Variants in RIT2 observed in about 807,000 individuals in gnomAD.
RIT2 encodes GTP-binding protein Rit2.
RIT2 carries 24 observed loss-of-function variants against 23.7 expected under a neutral mutation model. The observed-to-expected ratio is 1.01, with a 90% CI of 0.73 to 1.43. RIT2 has a LOEUF of 1.43. Among genes scored for constraint, RIT2 ranks in the 40% most tolerant of loss-of-function variants. The pLI is 0.00. For synonymous variants in RIT2, 107 were observed against 91.1 expected (o/e 1.17, Z -0.99); for missense variants, 236 against 266.9 (o/e 0.88, Z 0.81).
At chr18:42,759,290 A>G (rs1396357354) in intron 4 of RIT2, among the ~76,000 whole-genome samples, 1 of 152,154 alleles carries the variant, frequency 6.6e-6, no homozygotes, top group African/African-American at 2.4e-5. Context: ...CATTTCTGTC[A>G]ATGTTTCTTA....
chr18:42,972,220 C>T (rs75369620), intron 3 of RIT2, among the ~76,000 whole-genome samples: 4,901 of 151,970 alleles, frequency 0.032, 258 homozygotes, highest in African/African-American at 0.11. Flanking sequence ...TAAGATAGCC[C>T]TTTCAAATAA....
chr18:43,025,233 A>G (rs9748837), intron 2 of RIT2, among the ~76,000 whole-genome samples: 1 of 145,684 alleles, frequency 6.9e-6, no homozygotes, highest in African/African-American at 2.5e-5. Context: ...AAACAAAAAA[A>G]AAACAAAAAA....
At chr18:42,746,583 G>A (rs1912921881) in intron 4 of RIT2, among the ~76,000 whole-genome samples, 1 of 152,018 alleles carries the variant, frequency 6.6e-6, no homozygotes, top group South Asian at 2.1e-4. Context: ...TACAGTCTCA[G>A]TTTAAATTTT....
At chr18:42,799,458 A>G (rs1905464523) in intron 4 of RIT2, among the ~76,000 whole-genome samples, 1 of 152,238 alleles carries the variant, frequency 6.6e-6, no homozygotes, top group Non-Finnish European at 1.5e-5. Context: ...CTCTTCCCAT[A>G]GCCCAAGCTA....
chr18:42,930,404 A>C (rs893092234), intron 3 of RIT2, among the ~76,000 whole-genome samples: 2 of 152,154 alleles, frequency 1.3e-5, no homozygotes, highest in African/African-American at 4.8e-5. Context: ...GAATTATGAA[A>C]AAAGGACATG....
chr18:42,964,631 A>AT (rs1910170143), intron 3 of RIT2, among the ~76,000 whole-genome samples: 2 of 152,198 alleles, frequency 1.3e-5, no homozygotes, highest in South Asian at 4.1e-4. Flanking sequence ...TCCCACATAC[A>AT]TAAAAATTGT....
intron 4 of RIT2, among the ~76,000 whole-genome samples, chr18:42,782,251 G>A (rs553479072): frequency 6.6e-6 from 1 of 152,092 alleles, no homozygotes; most frequent in East Asian, 1.9e-4. Flanking sequence ...AATAGTTAGA[G>A]ATTAGTGCTC....
At position 42,922,435 on chromosome 18, in the gene RIT2, C is replaced by T. The variant is rs12970940; in HGVS notation, c.426+1137G>A. ...AAAGCCAGTTCAAATTTAAGGTCAA[C>T]GAAAAGAAAGATGAAGCATCTCAAT... On this transcript the variant is annotated intron_variant, in intron 4 of 4. Transcript: ENST00000326695. Among the ~76,000 whole-genome samples, 443 of 152,046 alleles carry T rather than the reference C, an allele frequency of 2.9e-3. 3 individuals are homozygous for T. Among genetic ancestry groups the T allele is most frequent in the Non-Finnish European group, 4.1e-3 (278 of 67,972 alleles).
At chr18:42,906,607 T>C (rs1029473180) in intron 4 of RIT2, among the ~76,000 whole-genome samples, 1 of 152,198 alleles carries the variant, frequency 6.6e-6, no homozygotes, top group African/African-American at 2.4e-5. Flanking sequence ...AGCCACCTTC[T>C]ATCCAGCTTC....
intron 2 of RIT2, among the ~76,000 whole-genome samples, chr18:42,977,008 C>G (rs1910491350): frequency 6.6e-6 from 1 of 151,968 alleles, no homozygotes; most frequent in Non-Finnish European, 1.5e-5. Context: ...GCATTTGAAG[C>G]TGGGCAGATG....
At chr18:43,075,019 C>T (rs1177983650) in intron 1 of RIT2, among the ~76,000 whole-genome samples, 1 of 151,972 alleles carries the variant, frequency 6.6e-6, no homozygotes, top group East Asian at 1.9e-4. Flanking sequence ...TGTAACAAAC[C>T]TGCACATCCT....
At chr18:42,746,368 A>G (rs1912916749) in intron 4 of RIT2, among the ~76,000 whole-genome samples, 2 of 152,132 alleles carry the variant, frequency 1.3e-5, no homozygotes, top group Non-Finnish European at 2.9e-5. Context: ...ACCAGATTTT[A>G]CAAAAATCAC....
intron 2 of RIT2, among the ~76,000 whole-genome samples, chr18:43,017,944 T>A (rs1911510669): frequency 2.0e-5 from 3 of 152,062 alleles, no homozygotes; most frequent in Non-Finnish European, 4.4e-5. Flanking sequence ...AAGAAAATTG[T>A]CTTTGCAACC....
intron 1 of RIT2, among the ~76,000 whole-genome samples, chr18:43,077,120 A>AAAAAAAAAG (rs1913045000): frequency 4.6e-5 from 7 of 150,822 alleles, no homozygotes; most frequent in African/African-American, 1.7e-4. Flanking sequence ...AAAAAAAAAA[A>AAAAAAAAAG]AAAGGCTCAA....
At chr18:43,020,599 C>T (rs1445882135) in intron 2 of RIT2, among the ~76,000 whole-genome samples, 1 of 152,014 alleles carries the variant, frequency 6.6e-6, no homozygotes, top group Non-Finnish European at 1.5e-5. Flanking sequence ...TACCTGACTT[C>T]AACATATGTT....
At chr18:42,851,814 T>A (rs1232895487) in intron 4 of RIT2, among the ~76,000 whole-genome samples, 1 of 152,086 alleles carries the variant, frequency 6.6e-6, no homozygotes, top group Non-Finnish European at 1.5e-5. Context: ...CACTCCAGCC[T>A]GGTGACAGAC....
intron 3 of RIT2, among the ~76,000 whole-genome samples, chr18:42,954,428 T>C (rs1265301739): frequency 6.7e-6 from 1 of 150,278 alleles, no homozygotes; most frequent in African/African-American, 2.4e-5. Context: ...CAAACGTAAT[T>C]GCTGTTTTTT....
intron 2 of RIT2, among the ~76,000 whole-genome samples, chr18:42,993,861 G>A (rs192365480): frequency 1.8e-3 from 275 of 152,018 alleles, no homozygotes; most frequent in African/African-American, 6.0e-3. Flanking sequence ...CCCACTCAAC[G>A]CCAATATCCC....
At chr18:43,032,539 T>C (rs1365452660) in intron 2 of RIT2, among the ~76,000 whole-genome samples, 1 of 152,090 alleles carries the variant, frequency 6.6e-6, no homozygotes, top group Non-Finnish European at 1.5e-5. Flanking sequence ...ATTGGCATTC[T>C]GGAATTAAGA....
Sources: allele counts gnomAD v4.1 joint callset (sites outside exome capture counted in the v4.1 genomes callset), GRCh38; gene constraint gnomAD v4.1.1; transcripts MANE v1.5; gene names NCBI Gene and HGNC (gene_info 2026-07-23, HGNC 2026-07-21).